NLGN1: variants seen among roughly 807,000 people sequenced by gnomAD.
NLGN1 encodes neuroligin-1.
In NLGN1, 12 loss-of-function variants were observed where a neutral mutation model predicts 65.5. The observed-to-expected ratio is 0.18, with a 90% CI of 0.12 to 0.30. The LOEUF (loss-of-function observed/expected upper bound fraction) is 0.30. Ranked by LOEUF, NLGN1 falls within the 10% of genes least tolerant of loss-of-function variation. The pLI, the probability that NLGN1 is intolerant of heterozygous loss-of-function variation, is 1.00. For synonymous variants in NLGN1, 350 were observed against 359.5 expected (o/e 0.97, Z 0.30); for missense variants, 750 against 1,007.1 (o/e 0.74, Z 3.46).
chr3:174,033,829 A>G (rs548571455), intron 4 of NLGN1, among the ~76,000 whole-genome samples: 1 of 152,060 alleles, frequency 6.6e-6, no homozygotes, highest in Non-Finnish European at 1.5e-5. Flanking sequence ...AAGGTGTAAA[A>G]CATGTATAAT....
chr3:173,786,681 A>T (rs1435131888), intron 3 of NLGN1, among the ~76,000 whole-genome samples: 1 of 152,214 alleles, frequency 6.6e-6, no homozygotes, highest in Non-Finnish European at 1.5e-5. Flanking sequence ...AAAACATAGG[A>T]TACTATTTCT....
chr3:173,674,672 T>C (rs1331499859), intron 3 of NLGN1, among the ~76,000 whole-genome samples: 1 of 152,140 alleles, frequency 6.6e-6, no homozygotes, highest in East Asian at 1.9e-4. Context: ...ATCAATAGTA[T>C]ATTAAGGATT....
chr3:173,529,793 G>T (rs1235992064), intron 2 of NLGN1, among the ~76,000 whole-genome samples: 1 of 152,072 alleles, frequency 6.6e-6, no homozygotes, highest in Non-Finnish European at 1.5e-5. Flanking sequence ...TGTAGAGAAG[G>T]GGAGGATACC....
intron 2 of NLGN1, among the ~76,000 whole-genome samples, chr3:173,543,035 T>C (rs1739157680): frequency 6.6e-6 from 1 of 152,126 alleles, no homozygotes; most frequent in Admixed American, 6.6e-5. Context: ...AACTCAGTGT[T>C]TACTTACAGC....
In NLGN1 at chr3:174,134,659, C is replaced by T. The variant is rs146429319; in HGVS notation, c.647-140656C>T. On this transcript the variant is annotated intron_variant, in intron 4 of 6. Transcript: ENST00000457714. ...TTCTTCTTGGTATTTCTACATAGCC[C>T]CCCAAAAGCCTGCAACTTCAAGATA... Among the ~76,000 whole-genome samples, 41 of 152,102 alleles carry T rather than the reference C, an allele frequency of 2.7e-4. No individual in the cohort carries two copies. In the East Asian group the frequency reaches 6.8e-3, roughly 25 times the overall value.
chr3:174,275,117 A>G (rs1750295606), intron 4 of NLGN1, among the ~76,000 whole-genome samples, 198 bp from the exon 5 acceptor site: 1 of 151,804 alleles, frequency 6.6e-6, no homozygotes, highest in Admixed American at 6.6e-5. Flanking sequence ...TGGGGAAGAT[A>G]AATGTCATTT....
At chr3:173,492,742 T>G (rs1211339885) in intron 2 of NLGN1, among the ~76,000 whole-genome samples, 1 of 151,782 alleles carries the variant, frequency 6.6e-6, no homozygotes, top group Non-Finnish European at 1.5e-5. Flanking sequence ...AAAAGTAGAA[T>G]AGGTTGGAAG....
intron 2 of NLGN1, among the ~76,000 whole-genome samples, chr3:173,562,000 C>T (rs957621844): frequency 6.6e-6 from 1 of 152,066 alleles, no homozygotes; most frequent in African/African-American, 2.4e-5. Context: ...AGATGATCAG[C>T]ACAGTTAAGG....
chr3:173,534,071 A>G (rs1258630123), intron 2 of NLGN1, among the ~76,000 whole-genome samples: 1 of 152,220 alleles, frequency 6.6e-6, no homozygotes, highest in Non-Finnish European at 1.5e-5. Flanking sequence ...TAATTAAAGT[A>G]CTTAAGCTTA....
chr3:173,449,283 A>T (rs1263731905), intron 2 of NLGN1, among the ~76,000 whole-genome samples: 2 of 152,168 alleles, frequency 1.3e-5, no homozygotes, highest in African/African-American at 4.8e-5. Flanking sequence ...CGTTGGTTTC[A>T]AAGAACATCT....
chr3:174,091,153 C>A (rs1453190779), intron 4 of NLGN1, among the ~76,000 whole-genome samples: 2 of 152,104 alleles, frequency 1.3e-5, no homozygotes, highest in Non-Finnish European at 2.9e-5. Flanking sequence ...GTTGTAAAAT[C>A]AAGATGAAAT....
At position 173,664,530 on chromosome 3, in the gene NLGN1, A is replaced by G. The variant is rs375051991; in HGVS notation, c.493+59439A>G. 1.2e-4 allele frequency among the ~76,000 whole-genome samples: 18 copies of G among 152,260 alleles called. No homozygotes were observed. The South Asian group carries it at 3.7e-3, about 32-fold the overall frequency. On this transcript the variant is annotated intron_variant, in intron 3 of 6. Transcript: ENST00000457714. ...GTGAGGGAACAATTAAAAGTGTTAAAAAAATGAGCACTGGACAGTGTTAAC... is the reference window on the plus strand; with the variant it reads ...GTGAGGGAACAATTAAAAGTGTTAAGAAAATGAGCACTGGACAGTGTTAAC...
At chr3:174,206,820 G>A (rs369534004) in intron 4 of NLGN1, among the ~76,000 whole-genome samples, 1 of 152,138 alleles carries the variant, frequency 6.6e-6, no homozygotes, top group African/African-American at 2.4e-5. Flanking sequence ...GGAAGCAAGG[G>A]TGTGCCTTTG....
chr3:174,105,488 G>A (rs1369570584), intron 4 of NLGN1, among the ~76,000 whole-genome samples: 4 of 152,054 alleles, frequency 2.6e-5, no homozygotes, highest in Non-Finnish European at 5.9e-5. Context: ...AGACTGCAGT[G>A]AGTCATGATA....
At chr3:173,983,010 A>G (rs1295162726) in intron 4 of NLGN1, among the ~76,000 whole-genome samples, 1 of 152,174 alleles carries the variant, frequency 6.6e-6, no homozygotes, top group Non-Finnish European at 1.5e-5. Context: ...CATAAAAAAC[A>G]TTTTTATTCC....
chr3:174,063,492 C>G (rs896019462), intron 4 of NLGN1, among the ~76,000 whole-genome samples: 1 of 151,954 alleles, frequency 6.6e-6, no homozygotes, highest in Non-Finnish European at 1.5e-5. Context: ...TTTAGGTACA[C>G]TAATGTCTGT....
Position 174,032,013 on chromosome 3 carries a change from G to GT in NLGN1, c.646+224183dup, listed in dbSNP as rs200295952. On this transcript the variant is annotated intron_variant, in intron 4 of 6. Transcript: ENST00000457714. ...AGAAAGTTAAAAAACAAAATTCAAA[G>GT]TTAAAAAAAAGAAATTCTAAGAAAC... Among the ~76,000 whole-genome samples, 1,004 of 151,726 alleles carry GT rather than the reference G, an allele frequency of 6.6e-3. 14 individuals carry two copies. Among genetic ancestry groups the GT allele is most frequent in the African/African-American group, 0.023 (942 of 41,410 alleles).
At chr3:174,063,907 G>A (rs1413354428) in intron 4 of NLGN1, among the ~76,000 whole-genome samples, 1 of 151,956 alleles carries the variant, frequency 6.6e-6, no homozygotes, top group Non-Finnish European at 1.5e-5. Context: ...TAAAAACAAG[G>A]GGGCTGGGTG....
intron 4 of NLGN1, among the ~76,000 whole-genome samples, chr3:174,028,682 G>T (rs1729324350): frequency 6.6e-6 from 1 of 152,198 alleles, no homozygotes; most frequent in Admixed American, 6.5e-5. Flanking sequence ...GCCTGATATT[G>T]TGATAGAAAA....
Sources: gnomAD v4.1 joint callset for allele counts (sites outside exome capture counted in the v4.1 genomes callset) on GRCh38, gnomAD v4.1.1 for gene constraint, MANE v1.5 for transcripts, NCBI Gene and HGNC (gene_info 2026-07-23, HGNC 2026-07-21) for gene names.